Variants in ATR observed in about 807,000 individuals in gnomAD.
The protein encoded by ATR is ATR checkpoint kinase.
A neutral mutation model predicts 305.3 loss-of-function variants in ATR; 142 were observed. The ratio of observed to expected loss-of-function variants is 0.47; its 90% CI spans 0.41 to 0.53. The LOEUF (loss-of-function observed/expected upper bound fraction) is 0.53. Ranked by LOEUF, ATR falls within the 20% of genes least tolerant of loss-of-function variation. The pLI is 0.00. For synonymous variants in ATR, 1,050 were observed against 1,068.1 expected (o/e 0.98, Z 0.33); for missense variants, 2,135 against 3,133.1 (o/e 0.68, Z 7.60).
chr3:142,466,323 C>T lies in ATR; in HGVS notation c.6897+1G>A. 1 of 1,612,146 alleles carries T rather than the reference C, an allele frequency of 6.2e-7. No individual in the cohort carries two copies. Among genetic ancestry groups the T allele is most frequent in the Non-Finnish European group, 8.5e-7 (1 of 1,178,332 alleles). ...CATAGTCATATAAAACTGAAGTTTA[C>T]CATATCATCAAACCCTGCAATATAG... On this transcript the variant is annotated splice_donor_variant, in intron 40 of 46. Transcript: ENST00000350721. LOFTEE classifies it high-confidence loss of function.
At position 142,553,649 on chromosome 3, in the gene ATR, T is replaced by G. The variant is rs200954767; in HGVS notation, c.2624A>C (p.Asp875Ala). Residue 875 changes from aspartate to alanine, a missense_variant, in exon 12 of 47, where the codon GAT becomes GCT. Around this residue, in one of 9 missense-constraint regions of ATR, gnomAD observed 530 missense variants for 766.8 expected, o/e 0.69. Coordinates refer to ENST00000350721, the MANE Select transcript of ATR (RefSeq NM_001184.4). ...LKDTLILTTGDIGRAAKGDLV... is the reference protein window; with the variant it reads ...LKDTLILTTGAIGRAAKGDLV... ...ATGCTGCCAAGTATACCTTCCAATA[T>G]CCCCTGTTGTAAGAATCAAGGTATC... 6.2e-7 allele frequency: 1 copy of G among 1,605,932 alleles called. No homozygotes were observed. Among genetic ancestry groups the G allele is most frequent in the African/African-American group, 1.3e-5 (1 of 74,836 alleles).
chr3:142,459,453 A>C (rs2070978173), intron 42 of ATR, 70 bp from the exon 43 acceptor site: 1 of 1,546,604 alleles, frequency 6.5e-7, no homozygotes. Context: ...TTTTTTGTTA[A>C]AATTGGACAA....
chr3:142,466,112 C>T (rs556804500), intron 40 of ATR, among the ~76,000 whole-genome samples: 17 of 151,704 alleles, frequency 1.1e-4, no homozygotes, highest in African/African-American at 4.1e-4. Flanking sequence ...CAAAACGTTA[C>T]GGTGAATGTG....
Position 142,465,091 on chromosome 3 carries a change from C to T in ATR, c.7041+6G>A, listed in dbSNP as rs372849301. ...TAAATAAAATAAAAGCAAACTATCT[C>T]CCAACCTTATTAATCAAGGAATTGA... On this transcript the variant is annotated splice_donor_region_variant and intron_variant, in intron 41 of 46. Coordinates refer to ENST00000350721, the MANE Select transcript of ATR (RefSeq NM_001184.4). 8.0e-6 allele frequency: 12 copies of T among 1,498,858 alleles called. No homozygotes were observed. The African/African-American group carries it at 1.5e-4, about 19-fold the overall frequency. The allele number at this position is 1,498,858 out of a possible 1,614,324, so 92.8% of individuals were successfully genotyped here.
chr3:142,496,408 G>T lies in ATR; in HGVS notation c.5851C>A (p.Arg1951=), dbSNP rs758234545. 1.2e-6 allele frequency: 2 copies of T among 1,603,446 alleles called. No individual in the cohort carries two copies. Among genetic ancestry groups the T allele is most frequent in the African/African-American group, 2.7e-5 (2 of 72,932 alleles). ...YNALLNAGES[R]LAELYVERAK... is the part of the protein sequence containing the mutation. ...CTTTCCACGTACAGTTCAGCGAGTC[G>T]TGATTCCCCTGCATTAAGGAGAGCA... The change falls in exon 34 of 47, where the codon CGA becomes AGA. Residue 1951 remains arginine (R), a synonymous_variant. Coordinates refer to ENST00000350721, the MANE Select transcript of ATR (RefSeq NM_001184.4).
In ATR at chr3:142,512,489, A is replaced by G. The variant is rs1174382211; in HGVS notation, c.4642-19T>C. 6.6e-7 allele frequency: 1 copy of G among 1,525,956 alleles called. No homozygotes were observed. Among genetic ancestry groups the G allele is most frequent in the South Asian group, 1.2e-5 (1 of 85,886 alleles). 94.5% of individuals were successfully genotyped at this position (1,525,956 alleles called of 1,614,324 possible). On this transcript the variant is annotated intron_variant, in intron 26 of 46. Transcript: ENST00000350721. The stretch of plus-strand genomic sequence containing the variant: ...CATAAACCTATGAGAATCATTTATA[A>G]TTAATAATAATATCTATATAATACC...
intron 34 of ATR, among the ~76,000 whole-genome samples, chr3:142,495,471 G>A (rs114302199): frequency 0.013 from 2,050 of 152,252 alleles, 24 homozygotes; most frequent in Non-Finnish European, 0.021. Context: ...TTGGCCAGGC[G>A]CGGTGGCTCA....
intron 24 of ATR, among the ~76,000 whole-genome samples, chr3:142,517,930 T>C (rs1198509506): frequency 2.0e-5 from 3 of 152,232 alleles, no homozygotes; most frequent in Non-Finnish European, 4.4e-5. Context: ...TTATCTCCTT[T>C]ATTCCTAACA....
At chr3:142,465,462 A>G (rs111828863) in intron 40 of ATR, 1 of 305,102 alleles carries the variant, frequency 3.3e-6, no homozygotes, top group South Asian at 8.8e-5. Flanking sequence ...AATAGCTATG[A>G]CATAAAAAGA....
intron 22 of ATR, among the ~76,000 whole-genome samples, chr3:142,523,377 A>G (rs1480514829): frequency 5.3e-5 from 8 of 152,066 alleles, no homozygotes; most frequent in African/African-American, 1.9e-4. Context: ...CCAAGATCGC[A>G]CCACTGCACT....
intron 36 of ATR, among the ~76,000 whole-genome samples, chr3:142,479,099 T>C (rs2030201207): frequency 6.6e-6 from 1 of 151,798 alleles, no homozygotes; most frequent in African/African-American, 2.4e-5. Context: ...TTAAGGTTAA[T>C]ATTGTTATGT....
At chr3:142,523,916 T>G in intron 22 of ATR, 77 bp downstream of exon 22, 1 of 1,427,622 alleles carries the variant, frequency 7.0e-7, no homozygotes, top group South Asian at 1.2e-5. Context: ...ATAAGCTGAA[T>G]AGTTCTTTGT....
intron 22 of ATR, among the ~76,000 whole-genome samples, chr3:142,523,489 A>G (rs560246256): frequency 1.3e-5 from 2 of 152,312 alleles, no homozygotes; most frequent in East Asian, 3.9e-4. Context: ...GTCATCTGAG[A>G]ACCTCTAAGG....
Position 142,556,179 on chromosome 3 carries a change from A to C in ATR, c.2079-40T>G. 5 of 1,606,972 alleles carry C rather than the reference A, an allele frequency of 3.1e-6. No homozygotes were observed. The East Asian group carries it at 1.1e-4, about 36-fold the overall frequency. On this transcript the variant is annotated intron_variant, in intron 9 of 46. Coordinates refer to ENST00000350721, the MANE Select transcript of ATR (RefSeq NM_001184.4). ...GAAAAAGTACTAAACTTTCTTGCCT[A>C]ATTTTGTGGTCTAAATAGTCTTGCT...
At chr3:142,539,992 A>C (rs2033991111) in intron 18 of ATR, among the ~76,000 whole-genome samples, 1 of 152,168 alleles carries the variant, frequency 6.6e-6, no homozygotes, top group Admixed American at 6.6e-5. Context: ...AAAAGTGGAC[A>C]ACCAGATATT....
At chr3:142,552,114 TG>T (rs2034492675) in intron 13 of ATR, among the ~76,000 whole-genome samples, 1 of 151,800 alleles carries the variant, frequency 6.6e-6, no homozygotes, top group East Asian at 1.9e-4. Context: ...GCCAGCAGAA[TG>T]GCTATTATTA....
intron 21 of ATR, among the ~76,000 whole-genome samples, chr3:142,531,824 T>C (rs1214686806): frequency 6.6e-6 from 1 of 152,222 alleles, no homozygotes; most frequent in African/African-American, 2.4e-5. Flanking sequence ...CCCTGAGGAA[T>C]CGCCACACTG....
chr3:142,475,730 C>A lies in ATR; in HGVS notation c.6222-5547G>T, dbSNP rs544121581. ...GTCCCAACAACAGTGTAAACGTGTT[C>A]CTATTTCTCCACATCCTCTCCAGCA... On this transcript the variant is annotated intron_variant, in intron 36 of 46. Transcript: ENST00000350721. Among the ~76,000 whole-genome samples, 20 of 152,316 alleles carry A rather than the reference C, an allele frequency of 1.3e-4. No individual in the cohort carries two copies. In the East Asian group the frequency reaches 2.9e-3, roughly 22 times the overall value.
At chr3:142,479,667 A>G (rs1368617779) in intron 36 of ATR, among the ~76,000 whole-genome samples, 1 of 152,168 alleles carries the variant, frequency 6.6e-6, no homozygotes, top group Non-Finnish European at 1.5e-5. Flanking sequence ...CTCCTGGATT[A>G]TATCCTGCAG....
Sources: gnomAD v4.1 joint callset for allele counts (sites outside exome capture counted in the v4.1 genomes callset) on GRCh38, gnomAD v4.1.1 for gene constraint, gnomAD v4.1.1 regional missense constraint, MANE v1.5 for transcripts, NCBI Gene and HGNC (gene_info 2026-07-23, HGNC 2026-07-21) for gene names.